Variants in DLG1 observed in about 807,000 individuals in gnomAD.
DLG1 encodes the protein discs large MAGUK scaffold protein 1.
DLG1 carries 42 observed loss-of-function variants against 123.4 expected under a neutral mutation model. The observed-to-expected ratio is 0.34, with a 90% CI of 0.27 to 0.44. DLG1 has a LOEUF of 0.44. Among genes scored for constraint, DLG1 ranks in the 20% least tolerant of loss-of-function variants. The pLI is 1.00. For synonymous variants in DLG1, 317 were observed against 356.2 expected (o/e 0.89, Z 1.24); for missense variants, 942 against 1,082.6 (o/e 0.87, Z 1.82).
rs1293745338 is a variant in DLG1, at chr3:197,065,425, A to G, written c.2224T>C (p.Tyr742His). 1 of 1,610,470 alleles carries G rather than the reference A, an allele frequency of 6.2e-7. No homozygotes were observed. Among genetic ancestry groups the G allele is most frequent in the Non-Finnish European group, 8.5e-7 (1 of 1,178,916 alleles). ...TGATAATCTCTTCCATCTACCTCAT[A>G]ATCTCGTTTTGGTCTAGTTGTATCT... Reference protein sequence around the residue: ...VPHTTRPKRDYEVDGRDYHFV... With the variant: ...VPHTTRPKRDHEVDGRDYHFV... The change falls in exon 22 of 25, where the codon TAT becomes CAT. Residue 742 changes from tyrosine (Y) to histidine (H), a missense_variant. Physicochemically the swap from Tyr to His is moderately conservative, Grantham distance 83 (BLOSUM62 2). Coordinates refer to ENST00000667157, the MANE Select transcript of DLG1 (RefSeq NM_001366207.1).
chr3:197,246,292 C>T (rs1009770395), intron 4 of DLG1, among the ~76,000 whole-genome samples: 2 of 152,014 alleles, frequency 1.3e-5, no homozygotes, highest in Non-Finnish European at 2.9e-5. Context: ...GACCTCTGTG[C>T]GATAATTAAC....
At chr3:197,100,534 C>T (rs542889862) in intron 14 of DLG1, among the ~76,000 whole-genome samples, 2 of 152,076 alleles carry the variant, frequency 1.3e-5, no homozygotes, top group East Asian at 3.9e-4. Flanking sequence ...GGTATTATTA[C>T]AATATAATTA....
At chr3:197,262,177 G>GGGATTAGA (rs1193238929) in intron 4 of DLG1, among the ~76,000 whole-genome samples, 1 of 152,134 alleles carries the variant, frequency 6.6e-6, no homozygotes, top group African/African-American at 2.4e-5. Flanking sequence ...GAAAGACCAC[G>GGGATTAGA]GGATTAGAGG....
intron 10 of DLG1, among the ~76,000 whole-genome samples, chr3:197,134,811 A>G (rs1455885517): frequency 6.6e-6 from 1 of 152,236 alleles, no homozygotes; most frequent in Non-Finnish European, 1.5e-5. Context: ...GTGTTGTGCC[A>G]TGGAGTATAG....
chr3:197,296,370 T>G lies in DLG1; in HGVS notation c.127A>C (p.Ser43Arg). 6.2e-7 allele frequency: 1 copy of G among 1,613,732 alleles called. No homozygotes were observed. The highest frequency in any genetic ancestry group is 8.5e-7 in the Non-Finnish European group (1 of 1,179,736). Residue 43 changes from serine to arginine, a missense_variant, in exon 3 of 25, where the codon AGC becomes CGC. Ser to Arg is a moderately radical substitution (Grantham distance 110). Coordinates refer to ENST00000667157, the MANE Select transcript of DLG1 (RefSeq NM_001366207.1). ...CCTATTAAAGCCTGAAAGAGGTTGC[T>G]CTGAAATATGTTAATAACCCGTTCT... Reference protein sequence around the residue: ...SIERVINIFQSNLFQALIDIQ... With the variant: ...SIERVINIFQRNLFQALIDIQ...
intron 3 of DLG1, among the ~76,000 whole-genome samples, chr3:197,292,812 T>C (rs1428599569): frequency 1.3e-5 from 2 of 152,144 alleles, no homozygotes; most frequent in Non-Finnish European, 2.9e-5. Flanking sequence ...AGACAAAATA[T>C]ACAAATCACA....
chr3:197,111,057 T>C (rs1281638878), intron 13 of DLG1, among the ~76,000 whole-genome samples: 2 of 152,226 alleles, frequency 1.3e-5, no homozygotes, highest in African/African-American at 4.8e-5. Flanking sequence ...TTTAAGTTTA[T>C]TGATCGGTCT....
At chr3:197,178,176 G>A (rs1301997567) in intron 5 of DLG1, among the ~76,000 whole-genome samples, 1 of 152,088 alleles carries the variant, frequency 6.6e-6, no homozygotes, top group East Asian at 1.9e-4. Context: ...CTACCTTAGA[G>A]GAAGCAAAAA....
intron 24 of DLG1, among the ~76,000 whole-genome samples, chr3:197,049,322 A>T (rs994225038): frequency 6.8e-5 from 9 of 131,522 alleles, no homozygotes; most frequent in Non-Finnish European, 1.0e-4. Flanking sequence ...CTCAAAACAA[A>T]ACAATAAAAA....
intron 4 of DLG1, among the ~76,000 whole-genome samples, chr3:197,241,263 A>G (rs1748709478): frequency 6.6e-6 from 1 of 152,088 alleles, no homozygotes; most frequent in Non-Finnish European, 1.5e-5. Flanking sequence ...TGCTCAAAGA[A>G]AAAAACCAAA....
At chr3:197,159,163 T>G (rs1577255046) in intron 5 of DLG1, among the ~76,000 whole-genome samples, 1 of 152,278 alleles carries the variant, frequency 6.6e-6, no homozygotes, top group African/African-American at 2.4e-5. Context: ...GACTATAAAC[T>G]CCACGTTCTT....
chr3:197,128,550 T>C (rs959716804), intron 11 of DLG1, among the ~76,000 whole-genome samples: 1 of 152,248 alleles, frequency 6.6e-6, no homozygotes, highest in African/African-American at 2.4e-5. Flanking sequence ...CCATGAATCA[T>C]GAATGTCCTT....
At chr3:197,088,850 G>A (rs895111860) in intron 15 of DLG1, among the ~76,000 whole-genome samples, 1 of 152,206 alleles carries the variant, frequency 6.6e-6, no homozygotes, top group African/African-American at 2.4e-5. Flanking sequence ...GGCTGCAGAA[G>A]AAAGGAGGCA....
At chr3:197,095,465 T>C (rs968472721) in intron 14 of DLG1, among the ~76,000 whole-genome samples, 2 of 152,174 alleles carry the variant, frequency 1.3e-5, no homozygotes, top group African/African-American at 4.8e-5. Context: ...TACAAGTCAA[T>C]TGTTTTGTAG....
At chr3:197,050,354 C>G (rs1726604897) in intron 24 of DLG1, among the ~76,000 whole-genome samples, 1 of 146,976 alleles carries the variant, frequency 6.8e-6, no homozygotes, top group Admixed American at 7.0e-5. Context: ...GCGACAGAGC[C>G]AGACTCCATT....
intron 6 of DLG1, among the ~76,000 whole-genome samples, chr3:197,145,232 T>C (rs1790154893): frequency 6.6e-6 from 1 of 152,222 alleles, no homozygotes; most frequent in Admixed American, 6.5e-5. Flanking sequence ...CCTTTCTTAT[T>C]CTAAAGGTTA....
intron 20 of DLG1, 74 bp from the exon 21 acceptor site, chr3:197,065,883 C>T: frequency 1.0e-6 from 1 of 971,012 alleles, no homozygotes; most frequent in Non-Finnish European, 1.6e-6. Context: ...CACCAGCGAA[C>T]AAAAATATCC....
chr3:197,270,051 G>A (rs1763283442), intron 4 of DLG1, among the ~76,000 whole-genome samples: 1 of 152,104 alleles, frequency 6.6e-6, no homozygotes, highest in Non-Finnish European at 1.5e-5. Flanking sequence ...TGTGTCACCT[G>A]CCTGTCCACT....
intron 5 of DLG1, among the ~76,000 whole-genome samples, chr3:197,176,170 C>G (rs1806938045): frequency 1.3e-5 from 2 of 151,992 alleles, no homozygotes; most frequent in Admixed American, 1.3e-4. Flanking sequence ...ATTAAGACAC[C>G]AATTTTATAG....
Sources: allele counts gnomAD v4.1 joint callset (sites outside exome capture counted in the v4.1 genomes callset), GRCh38; gene constraint gnomAD v4.1.1; transcripts MANE v1.5; gene names NCBI Gene and HGNC (gene_info 2026-07-23, HGNC 2026-07-21).